Variants in GMDS observed in about 807,000 individuals in gnomAD.
GMDS encodes GDP-mannose 4,6 dehydratase.
Under a neutral mutation model 49.9 loss-of-function variants are expected in GMDS, and 20 were observed. The ratio of observed to expected loss-of-function variants is 0.40; its 90% CI spans 0.28 to 0.58. The LOEUF (loss-of-function observed/expected upper bound fraction) is 0.58. GMDS is among the 20% of genes least tolerant of loss of function. GMDS has a pLI of 0.42. For synonymous variants in GMDS, 177 were observed against 178.6 expected, an observed-to-expected ratio of 0.99 and a Z score of 0.07; for missense variants, 362 against 481.4, an observed-to-expected ratio of 0.75 and a Z score of 2.32.
chr6:2,058,994 G>A (rs777828380), intron 4 of GMDS, among the ~76,000 whole-genome samples: 11 of 151,856 alleles, frequency 7.2e-5, no homozygotes, highest in Non-Finnish European at 1.6e-4. Context: ...TGGCCAACAC[G>A]GTGAAACCCC....
chr6:1,702,032 G>T (rs1393864853), intron 9 of GMDS, among the ~76,000 whole-genome samples: 1 of 152,192 alleles, frequency 6.6e-6, no homozygotes, highest in Non-Finnish European at 1.5e-5. Context: ...CTCAAATGAC[G>T]CACGCCTCTC....
intron 4 of GMDS, among the ~76,000 whole-genome samples, chr6:2,057,824 A>G (rs1030833735): frequency 1.3e-5 from 2 of 152,232 alleles, no homozygotes; most frequent in Non-Finnish European, 2.9e-5. Context: ...ATGCTGTCCA[A>G]TAGCCACATG....
At chr6:2,134,416 T>C (rs569344067) in intron 1 of GMDS, among the ~76,000 whole-genome samples, 7 of 152,318 alleles carry the variant, frequency 4.6e-5, no homozygotes, top group African/African-American at 1.7e-4. Context: ...GTAAGGGTAG[T>C]GGAGTTCTCT....
At chr6:1,819,544 T>C (rs975381925) in intron 7 of GMDS, among the ~76,000 whole-genome samples, 11 of 151,894 alleles carry the variant, frequency 7.2e-5, no homozygotes, top group Non-Finnish European at 1.5e-4. Context: ...GTGGATCACT[T>C]GAGGTCAGAA....
At chr6:1,848,119 A>G (rs762316304) in intron 7 of GMDS, among the ~76,000 whole-genome samples, 5 of 152,020 alleles carry the variant, frequency 3.3e-5, no homozygotes, top group Non-Finnish European at 5.9e-5. Flanking sequence ...TCAATTTCCA[A>G]TCTTCATAGA....
At chr6:2,220,436 T>C (rs990121297) in intron 1 of GMDS, among the ~76,000 whole-genome samples, 1 of 152,222 alleles carries the variant, frequency 6.6e-6, no homozygotes. Context: ...CATGTCATAT[T>C]TTTTACTGTT....
At chr6:2,107,255 C>G (rs991487682) in intron 4 of GMDS, among the ~76,000 whole-genome samples, 1 of 152,172 alleles carries the variant, frequency 6.6e-6, no homozygotes, top group Non-Finnish European at 1.5e-5. Context: ...AGTGTTCTCT[C>G]TCATATAAAT....
At chr6:2,074,993 AC>A (rs1349590051) in intron 4 of GMDS, among the ~76,000 whole-genome samples, 1 of 152,136 alleles carries the variant, frequency 6.6e-6, no homozygotes, top group Non-Finnish European at 1.5e-5. Context: ...ATTCTGTTCC[AC>A]TGTTCTATAT....
rs767577539 is a variant in GMDS at position 1,751,171 on chromosome 6, T to C, written c.772-8585A>G. 4.1e-4 allele frequency among the ~76,000 whole-genome samples: 63 copies of C among 152,174 alleles called. 1 individual carries two copies. The highest frequency in any genetic ancestry group is 4.6e-4 in the Admixed American group (7 of 15,286). On this transcript the variant is annotated intron_variant, in intron 7 of 10. Transcript: ENST00000380815. ...TTCAGCAGACTTAAACGTTCCTGCC[T>C]GCCGGCTCTGAAGAGAGCAGCGGAT...
intron 9 of GMDS, among the ~76,000 whole-genome samples, chr6:1,710,066 A>G (rs1362396132): frequency 1.3e-5 from 2 of 152,228 alleles, no homozygotes; most frequent in African/African-American, 4.8e-5. Flanking sequence ...TGGGTATTTA[A>G]AAATTGTTTT....
At chr6:1,624,733 ATGTGCTGTGCGGACCCG>A in intron 9 of GMDS, 193 bp from the exon 10 acceptor site, 1 of 570,554 alleles carries the variant, frequency 1.8e-6, no homozygotes, top group East Asian at 3.0e-5. Flanking sequence ...GCGGTTAAGA[ATGTGCTGTGCGGACCCG>A]TGAGGACCGT....
intron 2 of GMDS, among the ~76,000 whole-genome samples, chr6:2,118,511 C>A (rs555685441): frequency 1.2e-4 from 19 of 152,248 alleles, no homozygotes; most frequent in African/African-American, 4.3e-4. Flanking sequence ...CAAAATTAAT[C>A]CTTGGTATGA....
rs150283934 is a variant in GMDS, at chr6:2,065,219, G to C, written c.345+50552C>G. Among the ~76,000 whole-genome samples the C allele has an allele frequency of 2.6e-3, 392 of 152,076 alleles. 2 individuals are homozygous for C. Among genetic ancestry groups the C allele is most frequent in the African/African-American group, 9.2e-3 (383 of 41,496 alleles). ...AGACCTGCAGCTGAGGGTCCTGTCT[G>C]TTAGAGGGAAAACTAACAAACTGAA... On this transcript the variant is annotated intron_variant, in intron 4 of 10. Transcript: ENST00000380815.
intron 6 of GMDS, among the ~76,000 whole-genome samples, chr6:1,933,598 T>G (rs1234324347): frequency 6.6e-6 from 1 of 152,242 alleles, no homozygotes; most frequent in African/African-American, 2.4e-5. Context: ...GGTTCCGATG[T>G]GTCCTTCTCA....
intron 1 of GMDS, among the ~76,000 whole-genome samples, chr6:2,199,443 A>C (rs1779409866): frequency 6.6e-6 from 1 of 152,150 alleles, no homozygotes; most frequent in African/African-American, 2.4e-5. Flanking sequence ...ACCTGATACA[A>C]TGGCCTACAC....
chr6:1,699,219 G>C (rs555937556), intron 9 of GMDS, among the ~76,000 whole-genome samples: 4 of 152,242 alleles, frequency 2.6e-5, no homozygotes, highest in African/African-American at 9.6e-5. Context: ...TGCACATCAG[G>C]CTGCGGAAAT....
chr6:2,107,888 A>G (rs145646976), intron 4 of GMDS, among the ~76,000 whole-genome samples: 304 of 152,362 alleles, frequency 2.0e-3, no homozygotes, highest in Non-Finnish European at 3.8e-3. Flanking sequence ...CTGCTCTTTA[A>G]CAAGTAAAGC....
At chr6:2,180,371 G>A (rs907395588) in intron 1 of GMDS, among the ~76,000 whole-genome samples, 2 of 152,194 alleles carry the variant, frequency 1.3e-5, no homozygotes, top group East Asian at 1.9e-4. Context: ...GTCCTGACCA[G>A]GGGCTAGGTC....
intron 7 of GMDS, among the ~76,000 whole-genome samples, chr6:1,748,652 T>C (rs1767606286): frequency 1.3e-5 from 2 of 152,234 alleles, no homozygotes; most frequent in African/African-American, 4.8e-5. Context: ...AACCACATGG[T>C]CTCTGTTTCT....
Sources: gnomAD v4.1 joint callset for allele counts (sites outside exome capture counted in the v4.1 genomes callset) on GRCh38, gnomAD v4.1.1 for gene constraint, MANE v1.5 for transcripts, NCBI Gene and HGNC (gene_info 2026-07-23, HGNC 2026-07-21) for gene names.